Variants in OSBPL10 observed in about 807,000 individuals in gnomAD.
OSBPL10 encodes oxysterol binding protein like 10.
Under a neutral mutation model 81.7 loss-of-function variants are expected in OSBPL10, and 49 were observed. That is an observed-to-expected ratio of 0.60 (90% CI 0.48 to 0.76). The LOEUF is 0.76. Ranked by LOEUF, OSBPL10 falls within the 30% of genes least tolerant of loss-of-function variation. The pLI, the probability that OSBPL10 is intolerant of heterozygous loss-of-function variation, is 0.00. For synonymous variants in OSBPL10, 419 were observed against 383.6 expected (o/e 1.09, Z -1.08); for missense variants, 923 against 987.8 (o/e 0.93, Z 0.88).
intron 3 of OSBPL10, among the ~76,000 whole-genome samples, chr3:31,856,981 T>C (rs1452569974): frequency 6.6e-6 from 1 of 152,156 alleles, no homozygotes; most frequent in African/African-American, 2.4e-5. Flanking sequence ...GTGAATCGCC[T>C]GAACCTGGGC....
chr3:31,894,413 G>A (rs1322840926), intron 1 of OSBPL10, among the ~76,000 whole-genome samples: 2 of 152,198 alleles, frequency 1.3e-5, no homozygotes, highest in Admixed American at 6.5e-5. Flanking sequence ...CAGAAGCACA[G>A]AAAGGACAGA....
At chr3:31,860,746 G>A (rs1272263240) in intron 3 of OSBPL10, among the ~76,000 whole-genome samples, 1 of 152,070 alleles carries the variant, frequency 6.6e-6, no homozygotes, top group African/African-American at 2.4e-5. Context: ...CACAATATCG[G>A]CTCACTGCAG....
At chr3:32,046,397 G>A (rs1466455415) in intron 2 of OSBPL10, 1 of 152,132 alleles carries the variant, frequency 6.6e-6, no homozygotes, top group African/African-American at 2.4e-5. Context: ...TAGACTCCAA[G>A]TTCATTGTAC....
intron 4 of OSBPL10, among the ~76,000 whole-genome samples, chr3:31,753,795 A>G (rs1326384261): frequency 6.6e-6 from 1 of 152,204 alleles, no homozygotes; most frequent in Non-Finnish European, 1.5e-5. Context: ...ATCCTAATCA[A>G]GTCTCCACAT....
chr3:31,790,726 C>T (rs536492625), intron 4 of OSBPL10, among the ~76,000 whole-genome samples: 1 of 152,222 alleles, frequency 6.6e-6, no homozygotes, highest in South Asian at 2.1e-4. Context: ...CTTCAACCAC[C>T]CACTGACACC....
intron 1 of OSBPL10, among the ~76,000 whole-genome samples, chr3:31,941,358 G>T (rs949670321): frequency 6.6e-6 from 1 of 152,204 alleles, no homozygotes; most frequent in Non-Finnish European, 1.5e-5. Flanking sequence ...ATGAATCTCA[G>T]GGAGGGCATC....
chr3:31,677,867 G>A (rs1700521405), intron 8 of OSBPL10, among the ~76,000 whole-genome samples: 2 of 151,318 alleles, frequency 1.3e-5, no homozygotes, highest in South Asian at 4.2e-4. Flanking sequence ...GGATCATGAG[G>A]TCAGGAGATC....
chr3:31,747,880 C>T (rs1432002308), intron 5 of OSBPL10, 30 bp downstream of exon 5: 2 of 1,607,656 alleles, frequency 1.2e-6, no homozygotes, highest in East Asian at 4.5e-5. Flanking sequence ...GTACTCATCC[C>T]AAACATGGAC....
chr3:31,760,051 C>T (rs1330761126), intron 4 of OSBPL10, among the ~76,000 whole-genome samples: 1 of 152,194 alleles, frequency 6.6e-6, no homozygotes, highest in Non-Finnish European at 1.5e-5. Context: ...CGTGAGCCAC[C>T]ATGCCCGGCC....
Position 31,702,505 on chromosome 3 carries a change from T to A in OSBPL10, c.1099A>T (p.Asn367Tyr), listed in dbSNP as rs1261892111. 1 of 1,614,076 alleles carries A rather than the reference T, an allele frequency of 6.2e-7. No individual in the cohort carries two copies. The highest frequency in any genetic ancestry group is 2.2e-5 in the East Asian group (1 of 44,880). The change falls in exon 7 of 12, where the codon AAC becomes TAC. Residue 367 changes from asparagine to tyrosine, a missense_variant. Transcript: ENST00000396556. ...GACAAAACCAATTCAGAGCCTGAGTTTGGCTAAAATGAAATAATCAATAAA... is the reference window on the plus strand; with the variant it reads ...GACAAAACCAATTCAGAGCCTGAGTATGGCTAAAATGAAATAATCAATAAA... ...EQTSQPEPEP[N>Y]SGSELVLSED...
At chr3:31,663,813 G>A in intron 11 of OSBPL10, 1 of 1,380,036 alleles carries the variant, frequency 7.2e-7, no homozygotes, top group Non-Finnish European at 9.4e-7. Flanking sequence ...CTCACAGGCA[G>A]GCTGACATGC....
chr3:31,772,221 T>C (rs1214436277), intron 4 of OSBPL10, among the ~76,000 whole-genome samples: 1 of 152,228 alleles, frequency 6.6e-6, no homozygotes, highest in Non-Finnish European at 1.5e-5. Flanking sequence ...ATTAGCTTTA[T>C]ACAGGTTCAA....
At chr3:32,041,415 C>G (rs1206565810) in intron 2 of OSBPL10, among the ~76,000 whole-genome samples, 1 of 152,162 alleles carries the variant, frequency 6.6e-6, no homozygotes, top group Admixed American at 6.6e-5. Flanking sequence ...TACTTCACAC[C>G]TACAATGCCA....
At chr3:31,977,657 A>G (rs58289954) in intron 1 of OSBPL10, among the ~76,000 whole-genome samples, 1,975 of 152,300 alleles carry the variant, frequency 0.013, 118 homozygotes, top group Admixed American at 0.099. Context: ...ATTCCTGCAA[A>G]TACTTGCTTT....
At chr3:31,791,424 T>C (rs1699006035) in intron 4 of OSBPL10, among the ~76,000 whole-genome samples, 1 of 152,194 alleles carries the variant, frequency 6.6e-6, no homozygotes, top group African/African-American at 2.4e-5. Context: ...TAGCATGAAA[T>C]GGAAATCAGC....
Position 31,662,039 on chromosome 3 carries a change from G to A in OSBPL10, c.*33C>T, listed in dbSNP as rs1342844850. The A allele has an allele frequency of 1.2e-6, 2 of 1,611,170 alleles. No homozygotes were observed. The highest frequency in any genetic ancestry group is 2.2e-5 in the South Asian group (2 of 90,394). ...TACTTTAATATTCCTACAAAAACAG[G>A]GCTATACTGGAAAGCTCTGCACCTC... On this transcript the variant is annotated 3_prime_UTR_variant, in exon 12 of 12. Transcript: ENST00000396556.
At chr3:31,866,816 T>C (rs937575251) in intron 3 of OSBPL10, among the ~76,000 whole-genome samples, 3 of 152,058 alleles carry the variant, frequency 2.0e-5, no homozygotes, top group African/African-American at 7.2e-5. Flanking sequence ...TGTGCAATTA[T>C]CATTCTAAGG....
At chr3:31,767,564 T>G (rs1698237813) in intron 4 of OSBPL10, among the ~76,000 whole-genome samples, 1 of 131,032 alleles carries the variant, frequency 7.6e-6, no homozygotes, top group Non-Finnish European at 1.7e-5. Flanking sequence ...CTTCCTTATC[T>G]CCCACTTAGA....
chr3:32,003,895 C>CTAA (rs1158281003), intron 2 of OSBPL10, among the ~76,000 whole-genome samples: 2 of 152,048 alleles, frequency 1.3e-5, no homozygotes, highest in Non-Finnish European at 2.9e-5. Flanking sequence ...AGAACACGGG[C>CTAA]TAATACTAAG....
Sources: allele counts gnomAD v4.1 joint callset (sites outside exome capture counted in the v4.1 genomes callset), GRCh38; gene constraint gnomAD v4.1.1; transcripts MANE v1.5; gene names NCBI Gene and HGNC (gene_info 2026-07-23, HGNC 2026-07-21).